The following STK32B variants were observed in gnomAD, a reference collection of about 807,000 sequenced individuals.
STK32B encodes the protein serine/threonine-protein kinase 32B.
STK32B carries 43 observed loss-of-function variants against 52.6 expected under a neutral mutation model. The ratio of observed to expected loss-of-function variants is 0.82; its 90% CI spans 0.64 to 1.05. The LOEUF (loss-of-function observed/expected upper bound fraction) is 1.05, where lower values mean the gene tolerates loss of function less well. Among genes scored for constraint, STK32B ranks in the 50% least tolerant of loss-of-function variants. STK32B has a pLI of 0.00. For missense variants in STK32B, 621 were observed against 534.6 expected (o/e 1.16, Z -1.59); for synonymous variants, 238 against 204.3 (o/e 1.17, Z -1.41).
At chr4:5,228,639 A>C (rs1178026331) in intron 3 of STK32B, among the ~76,000 whole-genome samples, 1 of 152,178 alleles carries the variant, frequency 6.6e-6, no homozygotes, top group Non-Finnish European at 1.5e-5. Flanking sequence ...CAATAAAGAG[A>C]ATCACAATAA....
intron 6 of STK32B, among the ~76,000 whole-genome samples, chr4:5,427,451 GC>G (rs1376049277): frequency 1.3e-5 from 2 of 152,096 alleles, no homozygotes; most frequent in African/African-American, 4.8e-5. Flanking sequence ...AAAAAAATAT[GC>G]CCAAGATTGG....
At chr4:5,148,345 T>G (rs2108842374) in intron 2 of STK32B, among the ~76,000 whole-genome samples, 1 of 151,930 alleles carries the variant, frequency 6.6e-6, no homozygotes, top group Admixed American at 6.5e-5. Flanking sequence ...GTCATTGATT[T>G]TAGACATTTT....
chr4:5,089,023 G>T (rs551780654), intron 1 of STK32B, among the ~76,000 whole-genome samples: 13 of 151,886 alleles, frequency 8.6e-5, no homozygotes, highest in Non-Finnish European at 1.6e-4. Context: ...CTTGGAAGAG[G>T]TCTACAAAAT....
upstream of STK32B, among the ~76,000 whole-genome samples, chr4:5,049,252 A>C (rs1741673176): frequency 6.7e-6 from 1 of 150,192 alleles, no homozygotes; most frequent in Admixed American, 6.6e-5. Flanking sequence ...GTTGGAGTGC[A>C]GTGGCACAAT....
intron 3 of STK32B, among the ~76,000 whole-genome samples, chr4:5,314,390 C>G (rs572897171): frequency 2.0e-4 from 31 of 152,340 alleles, no homozygotes; most frequent in African/African-American, 6.0e-4. Flanking sequence ...AAAAACTCAG[C>G]TGGGCACTGT....
At chr4:5,209,726 T>C (rs1473439234) in intron 3 of STK32B, among the ~76,000 whole-genome samples, 1 of 152,210 alleles carries the variant, frequency 6.6e-6, no homozygotes, top group Non-Finnish European at 1.5e-5. Flanking sequence ...AGATCCCTCA[T>C]GAACATTATC....
chr4:5,036,870 G>T, the STK32B span, among the ~76,000 whole-genome samples: 1 of 151,806 alleles, frequency 6.6e-6, no homozygotes, highest in Non-Finnish European at 1.5e-5. Context: ...GTTTCACCAT[G>T]TTGGCCAGGC....
At chr4:5,320,939 G>A (rs1731446907) in intron 3 of STK32B, among the ~76,000 whole-genome samples, 1 of 152,162 alleles carries the variant, frequency 6.6e-6, no homozygotes, top group Admixed American at 6.5e-5. Context: ...TTAGGAACAG[G>A]TCGATTATGT....
In STK32B at chr4:5,497,674, C is replaced by A. The variant is rs570508072; in HGVS notation, c.1107-1271C>A. ...TTATCTGAAGGACTTACTCAAGTAC[C>A]AGCATTGTTGCAAACACTAGGCATT... On this transcript the variant is annotated intron_variant, in intron 11 of 11. Transcript: ENST00000282908. Among the ~76,000 whole-genome samples the A allele has an allele frequency of 4.7e-4, 72 of 151,820 alleles. 1 individual carries two copies. The highest frequency in any genetic ancestry group is 1.6e-3 in the Admixed American group (24 of 15,256).
intron 4 of STK32B, among the ~76,000 whole-genome samples, chr4:5,338,238 A>G (rs370175288): frequency 3.9e-5 from 6 of 152,336 alleles, no homozygotes; most frequent in African/African-American, 1.4e-4. Flanking sequence ...TAACAGAAAC[A>G]AACACAGCAA....
chr4:5,239,774 C>G (rs79018304), intron 3 of STK32B, among the ~76,000 whole-genome samples: 27 of 146,144 alleles, frequency 1.8e-4, no homozygotes, highest in Non-Finnish European at 2.7e-4. Flanking sequence ...TTTTTTTTTT[C>G]TGGAATGAAT....
chr4:5,143,247 G>A (rs778504702), intron 2 of STK32B, among the ~76,000 whole-genome samples: 5 of 152,194 alleles, frequency 3.3e-5, no homozygotes, highest in Non-Finnish European at 5.9e-5. Context: ...CCCAGGTAGG[G>A]AGAAGGAGGG....
intron 1 of STK32B, among the ~76,000 whole-genome samples, chr4:5,134,433 C>G (rs1385971490): frequency 1.3e-5 from 2 of 152,134 alleles, no homozygotes; most frequent in African/African-American, 4.8e-5. Flanking sequence ...CCTGCCCTTC[C>G]TCTGTGGGAT....
At chr4:5,156,137 T>A (rs1211767840) in intron 2 of STK32B, among the ~76,000 whole-genome samples, 1 of 151,730 alleles carries the variant, frequency 6.6e-6, no homozygotes, top group East Asian at 1.9e-4. Flanking sequence ...CATATACATA[T>A]ACACACTCAT....
At chr4:5,133,735 A>G (rs1004891881) in intron 1 of STK32B, among the ~76,000 whole-genome samples, 3 of 152,196 alleles carry the variant, frequency 2.0e-5, no homozygotes, top group Non-Finnish European at 4.4e-5. Context: ...TGAGATGTTA[A>G]GTGACTAGGT....
At position 5,470,167 on chromosome 4, in the gene STK32B, G is replaced by C. The variant is rs1251474071; in HGVS notation, c.1106+2097G>C. The stretch of plus-strand genomic sequence containing the variant: ...CTTCCCTGTGTCATTTAGGAGTTGC[G>C]TCTGCTGCTTTTAGCAGAAACCTCA... On this transcript the variant is annotated intron_variant, in intron 11 of 11. Transcript: ENST00000282908. This position sits in a 1 kb window ranked among gnomAD's most constrained non-coding sequence, Gnocchi z 4.6. 2.0e-5 allele frequency among the ~76,000 whole-genome samples: 3 copies of C among 152,178 alleles called. No individual in the cohort carries two copies. The highest frequency in any genetic ancestry group is 4.4e-5 in the Non-Finnish European group (3 of 68,026).
rs533862726 is a variant in STK32B, at chr4:5,427,351, C to T, written c.562+10417C>T. Among the ~76,000 whole-genome samples the T allele has an allele frequency of 5.8e-3, 876 of 152,056 alleles. 3 individuals carry two copies. The highest frequency in any genetic ancestry group is 9.9e-3 in the Non-Finnish European group (675 of 67,976). On this transcript the variant is annotated intron_variant, in intron 6 of 11. Transcript: ENST00000282908. ...TCTTGAGGAATTTTTGTCTGTAGTT[C>T]TATTTTCTTGTAACAACTTGGTGTG...
At chr4:5,348,052 A>T (rs1417566206) in intron 4 of STK32B, among the ~76,000 whole-genome samples, 2 of 152,190 alleles carry the variant, frequency 1.3e-5, no homozygotes, top group African/African-American at 4.8e-5. Flanking sequence ...TTCAACAGAA[A>T]AGTGATGGGA....
chr4:5,453,996 A>G lies in STK32B; in HGVS notation c.667-2811A>G, dbSNP rs12498331. ...GGTCTCCTGTCCCTGCCCCTGTGGA[A>G]ATTATAGAGAACTGCCCTTCCGCAA... is the stretch of plus-strand genomic sequence containing the variant. On this transcript the variant is annotated intron_variant, in intron 7 of 11. Transcript: ENST00000282908. The surrounding 1 kb of genome is among the most constrained non-coding windows in gnomAD (Gnocchi z 4.0). Among the ~76,000 whole-genome samples, 8,573 of 152,112 alleles carry G rather than the reference A, an allele frequency of 0.056. 455 individuals are homozygous for G. Among genetic ancestry groups the G allele is most frequent in the African/African-American group, 0.14 (5,685 of 41,486 alleles).
Sources: allele counts gnomAD v4.1 joint callset (sites outside exome capture counted in the v4.1 genomes callset), GRCh38; gene constraint gnomAD v4.1.1; non-coding constraint Gnocchi (gnomAD v3.1); transcripts MANE v1.5; gene names NCBI Gene and HGNC (gene_info 2026-07-23, HGNC 2026-07-21).